Variants in TBC1D9 observed in about 807,000 individuals in gnomAD.
The protein encoded by TBC1D9 is TBC1 domain family member 9.
In TBC1D9, 63 loss-of-function variants were observed where a neutral mutation model predicts 132.0. That is an observed-to-expected ratio of 0.48 (90% CI 0.39 to 0.59). TBC1D9 has a LOEUF of 0.59. Among genes scored for constraint, TBC1D9 ranks in the 20% least tolerant of loss-of-function variants. TBC1D9 has a pLI of 0.00. For missense variants in TBC1D9, 1,261 were observed against 1,592.7 expected (o/e 0.79, Z 3.54); for synonymous variants, 610 against 609.9 (o/e 1.00, Z 0.00).
chr4:140,657,377 C>T (rs1038410268), intron 12 of TBC1D9, 150 bp downstream of exon 12: 19 of 1,356,434 alleles, frequency 1.4e-5, no homozygotes, highest in Non-Finnish European at 1.9e-5. Context: ...CTGTTAATTT[C>T]TAAAGAAAAA....
At chr4:140,635,183 A>G (rs185951105) in intron 15 of TBC1D9, among the ~76,000 whole-genome samples, 162 of 152,318 alleles carry the variant, frequency 1.1e-3, no homozygotes, top group Non-Finnish European at 1.9e-3. Flanking sequence ...GTAATAGAAA[A>G]AAAAAACACC....
chr4:140,641,595 T>C (rs1284235758), intron 13 of TBC1D9, among the ~76,000 whole-genome samples: 3 of 122,758 alleles, frequency 2.4e-5, no homozygotes, highest in Non-Finnish European at 4.9e-5. Context: ...CTGGGGTCTC[T>C]GGGTGGGCAG....
At chr4:140,670,663 A>C in intron 7 of TBC1D9, 57 bp downstream of exon 7, 1 of 1,454,478 alleles carries the variant, frequency 6.9e-7, no homozygotes, top group Non-Finnish European at 9.6e-7. Context: ...GGAACTGAAC[A>C]CACTTGGGCA....
In TBC1D9 at chr4:140,708,892, C is replaced by T. The variant is rs754249483; in HGVS notation, c.131-7278G>A. 1.4e-4 allele frequency among the ~76,000 whole-genome samples: 22 copies of T among 152,004 alleles called. No homozygotes were observed. In the South Asian group the frequency reaches 2.3e-3, roughly 16 times the overall value. The stretch of plus-strand genomic sequence containing the variant: ...CAAAGAGTATTATATTATTCTCAGG[C>T]GCAGGTATTATTGGCAATAGGGGAA... On this transcript the variant is annotated intron_variant, in intron 1 of 20. Transcript: ENST00000442267.
rs1738153637 is a variant in TBC1D9, at chr4:140,706,505, G to C, written c.131-4891C>G. On this transcript the variant is annotated intron_variant, in intron 1 of 20. Transcript: ENST00000442267. This position sits in a 1 kb window ranked among gnomAD's most constrained non-coding sequence, Gnocchi z 4.0. ...AAGTACAGGAAATTACAAAATACAT[G>C]TACCACTACTCTGACTTTTTTAACA... 6.6e-6 allele frequency among the ~76,000 whole-genome samples: 1 copy of C among 151,790 alleles called. No individual in the cohort carries two copies. The highest frequency in any genetic ancestry group is 1.5e-5 in the Non-Finnish European group (1 of 67,996).
chr4:140,675,907 T>TCC (rs1383323825), intron 6 of TBC1D9, among the ~76,000 whole-genome samples: 1 of 152,210 alleles, frequency 6.6e-6, no homozygotes, highest in African/African-American at 2.4e-5. Context: ...TGCTTTGGCA[T>TCC]CTTGGGGGCC....
chr4:140,646,338 T>C (rs1449349788), intron 13 of TBC1D9, among the ~76,000 whole-genome samples: 1 of 152,178 alleles, frequency 6.6e-6, no homozygotes, highest in Non-Finnish European at 1.5e-5. Flanking sequence ...CCCTGGCACC[T>C]TACCTTTCTG....
At chr4:140,675,050 T>A in intron 6 of TBC1D9, among the ~76,000 whole-genome samples, 1 of 152,088 alleles carries the variant, frequency 6.6e-6, no homozygotes, top group East Asian at 1.9e-4. Flanking sequence ...CTTTAAGATA[T>A]ACTCAATGTT....
intron 1 of TBC1D9, among the ~76,000 whole-genome samples, chr4:140,742,706 A>G (rs976588309): frequency 1.3e-5 from 2 of 152,070 alleles, no homozygotes; most frequent in Non-Finnish European, 2.9e-5. Flanking sequence ...GTAACTATAC[A>G]TACACACACT....
At chr4:140,667,707 G>A (rs1389900617) in intron 9 of TBC1D9, among the ~76,000 whole-genome samples, 2 of 151,976 alleles carry the variant, frequency 1.3e-5, no homozygotes, top group Non-Finnish European at 2.9e-5. Flanking sequence ...AGACCACCCT[G>A]GGCAACACAG....
chr4:140,668,862 C>G (rs1390810203), intron 9 of TBC1D9, 55 bp downstream of exon 9: 2 of 1,594,200 alleles, frequency 1.3e-6, no homozygotes, highest in Admixed American at 1.7e-5. Context: ...CAGGGAGGCC[C>G]TGGTGTGGAG....
chr4:140,662,735 T>C (rs1167639382), intron 9 of TBC1D9, among the ~76,000 whole-genome samples: 1 of 152,138 alleles, frequency 6.6e-6, no homozygotes, highest in Non-Finnish European at 1.5e-5. Flanking sequence ...ATACTGAGAA[T>C]CATCCATTTG....
chr4:140,750,107 TTAAAA>T (rs572262178), intron 1 of TBC1D9, among the ~76,000 whole-genome samples: 2 of 150,828 alleles, frequency 1.3e-5, no homozygotes, highest in South Asian at 2.1e-4. Context: ...TAAGAACTCC[TTAAAA>T]TAAAATAAAA....
chr4:140,688,497 T>G (rs187170291), intron 2 of TBC1D9, among the ~76,000 whole-genome samples: 2,388 of 152,140 alleles, frequency 0.016, 66 homozygotes, highest in African/African-American at 0.054. Flanking sequence ...GATACCCTCA[T>G]CTCTACAAAA....
At chr4:140,663,087 A>G (rs946792088) in intron 9 of TBC1D9, among the ~76,000 whole-genome samples, 4 of 152,246 alleles carry the variant, frequency 2.6e-5, no homozygotes, top group Non-Finnish European at 5.9e-5. Flanking sequence ...AGCTCTGCAC[A>G]GCAAAGGAAG....
intron 1 of TBC1D9, among the ~76,000 whole-genome samples, chr4:140,721,992 A>G (rs1194507803): frequency 6.6e-6 from 1 of 152,004 alleles, no homozygotes; most frequent in East Asian, 1.9e-4. Flanking sequence ...TACCTAGCCC[A>G]TTCTCCCAGG....
At chr4:140,739,474 A>T (rs1013280107) in intron 1 of TBC1D9, among the ~76,000 whole-genome samples, 32 of 152,324 alleles carry the variant, frequency 2.1e-4, no homozygotes, top group African/African-American at 7.7e-4. Flanking sequence ...GGGTTTCCTC[A>T]GGTAAATACT....
chr4:140,721,791 ATTTTGACCCAGTGTCTAG>A, intron 1 of TBC1D9, among the ~76,000 whole-genome samples: 1 of 152,274 alleles, frequency 6.6e-6, no homozygotes, highest in South Asian at 2.1e-4. Flanking sequence ...TAACAGGATC[ATTTTGACCCAGTGTCTAG>A]AATTGTTCTC....
chr4:140,680,132 T>TTGC (rs1293678992), intron 3 of TBC1D9, among the ~76,000 whole-genome samples: 3 of 152,228 alleles, frequency 2.0e-5, no homozygotes, highest in African/African-American at 7.2e-5. Flanking sequence ...TACAAAGATT[T>TTGC]TGCTAGTCCT....
Sources: gnomAD v4.1 joint callset for allele counts (sites outside exome capture counted in the v4.1 genomes callset) on GRCh38, gnomAD v4.1.1 for gene constraint, Gnocchi (gnomAD v3.1) non-coding constraint, MANE v1.5 for transcripts, NCBI Gene and HGNC (gene_info 2026-07-23, HGNC 2026-07-21) for gene names.